Variants in BCL2L13 observed in about 807,000 individuals in gnomAD.
BCL2L13 encodes the protein BCL2 like 13.
Under a neutral mutation model 25.8 loss-of-function variants are expected in BCL2L13, and 13 were observed. That is an observed-to-expected ratio of 0.50 (90% confidence interval 0.33 to 0.80). BCL2L13 has a LOEUF of 0.80. Ranked by LOEUF, BCL2L13 falls within the 30% of genes least tolerant of loss-of-function variation. BCL2L13 has a pLI of 0.02. For missense variants in BCL2L13, 504 were observed against 574.9 expected (o/e 0.88, Z 1.26); for synonymous variants, 244 against 230.3 (o/e 1.06, Z -0.54).
At chr22:17,719,937 T>C (rs915344689) in intron 6 of BCL2L13, among the ~76,000 whole-genome samples, 6 of 152,156 alleles carry the variant, frequency 3.9e-5, no homozygotes, top group Middle Eastern at 3.4e-3. Context: ...AAGGCTATAT[T>C]GCATGACTCC....
intron 1 of BCL2L13, 112 bp downstream of exon 1, chr22:17,638,998 C>A (rs2058167909): frequency 3.4e-6 from 3 of 888,322 alleles, no homozygotes; most frequent in Non-Finnish European, 4.4e-6. Context: ...GTGGTTCCGA[C>A]GACGCGTGAG....
intron 2 of BCL2L13, among the ~76,000 whole-genome samples, chr22:17,672,514 G>T (rs1390418883): frequency 1.3e-5 from 2 of 152,124 alleles, no homozygotes; most frequent in Non-Finnish European, 2.9e-5. Flanking sequence ...TTTGTATCTT[G>T]GTTTATAGTC....
upstream of BCL2L13, among the ~76,000 whole-genome samples, chr22:17,637,942 ACT>A (rs1485099252): frequency 1.3e-5 from 2 of 151,662 alleles, no homozygotes; most frequent in Non-Finnish European, 2.9e-5. Context: ...CCAAAAAGAA[ACT>A]CTGTATCCAC....
rs77231205 is a variant in BCL2L13 at position 17,631,658 on chromosome 22, A to ATGTG, written c.-650+2663_-650+2666dup. ...GTAGGAATGGTACGTGTGTGTATGT[A>ATGTG]TGTGTGTGTGTGTATATATATATAT... is the stretch of plus-strand genomic sequence containing the variant. On this transcript the variant is annotated intron_variant, in intron 1 of 6. Coordinates refer to the BCL2L13 transcript ENST00000399782. Among the ~76,000 whole-genome samples, 107 of 38,922 alleles carry ATGTG rather than the reference A, an allele frequency of 2.7e-3. 1 individual carries two copies. Among genetic ancestry groups the ATGTG allele is most frequent in the East Asian group, 0.016 (18 of 1,110 alleles). 25.5% of individuals were successfully genotyped at this position (38,922 alleles called of 152,430 possible).
At chr22:17,704,707 A>G (rs531816131) in intron 6 of BCL2L13, among the ~76,000 whole-genome samples, 2 of 152,268 alleles carry the variant, frequency 1.3e-5, no homozygotes, top group African/African-American at 4.8e-5. Flanking sequence ...TATTTTAAAA[A>G]TTCTTAGTTG....
intron 2 of BCL2L13, among the ~76,000 whole-genome samples, chr22:17,669,971 A>G (rs1488762298): frequency 3.9e-5 from 6 of 152,210 alleles, no homozygotes; most frequent in African/African-American, 1.4e-4. Context: ...AAAATGGACT[A>G]ATACACATGG....
chr22:17,637,777 G>C (rs1209504986), upstream of BCL2L13, among the ~76,000 whole-genome samples: 2 of 152,060 alleles, frequency 1.3e-5, no homozygotes, highest in Non-Finnish European at 2.9e-5. Context: ...GGCTTAAAAA[G>C]CATCCTGTGG....
At chr22:17,717,177 T>A (rs1487884590) in intron 6 of BCL2L13, among the ~76,000 whole-genome samples, 1 of 152,052 alleles carries the variant, frequency 6.6e-6, no homozygotes, top group Non-Finnish European at 1.5e-5. Flanking sequence ...TTCTTTAAGA[T>A]CCAACTTTGG....
chr22:17,634,529 T>C (rs2058075366), upstream of BCL2L13, among the ~76,000 whole-genome samples: 1 of 151,976 alleles, frequency 6.6e-6, no homozygotes, highest in Non-Finnish European at 1.5e-5. Context: ...TGTTTCAATG[T>C]TTTTCTTTTC....
Position 17,660,718 on chromosome 22 carries a change from C to A in BCL2L13, c.121+4886C>A, listed in dbSNP as rs148061185. On this transcript the variant is annotated intron_variant, in intron 2 of 6. Transcript: ENST00000317582. ...GGGATTACAGGTGTGAGCCACCACA[C>A]CCAGTCTACACCTCATTTATTTAAT... is the stretch of plus-strand genomic sequence containing the variant. Among the ~76,000 whole-genome samples the A allele has an allele frequency of 5.0e-3, 732 of 146,528 alleles. 30 individuals are homozygous for A. Among genetic ancestry groups the A allele is most frequent in the African/African-American group, 0.017 (694 of 41,226 alleles).
intron 1 of BCL2L13, among the ~76,000 whole-genome samples, chr22:17,647,961 C>T (rs1175394805): frequency 1.3e-5 from 2 of 151,912 alleles, no homozygotes; most frequent in African/African-American, 4.8e-5. Flanking sequence ...ACCCCCGTCT[C>T]TACTAAAAAA....
intron 2 of BCL2L13, among the ~76,000 whole-genome samples, chr22:17,673,987 A>G (rs929621611): frequency 3.3e-5 from 5 of 152,166 alleles, no homozygotes; most frequent in Non-Finnish European, 7.4e-5. Context: ...ATATTTTTTT[A>G]GTCCATATTT....
intron 6 of BCL2L13, among the ~76,000 whole-genome samples, chr22:17,719,806 C>T (rs887322834): frequency 2.5e-5 from 3 of 120,906 alleles, no homozygotes; most frequent in African/African-American, 3.2e-5. Context: ...TCCAGCCTGG[C>T]GAAAGAGTGA....
chr22:17,716,528 G>A (rs910433485), intron 6 of BCL2L13, among the ~76,000 whole-genome samples: 1 of 152,124 alleles, frequency 6.6e-6, no homozygotes, highest in Non-Finnish European at 1.5e-5. Flanking sequence ...AGAGATTTGG[G>A]TGAAATGATG....
intron 1 of BCL2L13, among the ~76,000 whole-genome samples, chr22:17,651,829 T>TA (rs2058700402): frequency 6.6e-6 from 1 of 152,192 alleles, no homozygotes; most frequent in Non-Finnish European, 1.5e-5. Context: ...CAGCTGGGAC[T>TA]ACAGGCGCCT....
chr22:17,716,046 C>G (rs1170461129), intron 6 of BCL2L13, among the ~76,000 whole-genome samples: 1 of 152,148 alleles, frequency 6.6e-6, no homozygotes, highest in Non-Finnish European at 1.5e-5. Flanking sequence ...TGTTTTCTCC[C>G]TTGAAGCATT....
chr22:17,722,352 C>A (rs1209594896), intron 6 of BCL2L13, among the ~76,000 whole-genome samples: 1 of 147,666 alleles, frequency 6.8e-6, no homozygotes, highest in East Asian at 2.0e-4. Context: ...TTTCAGCCTC[C>A]TGAGTTGAGT....
intron 6 of BCL2L13, among the ~76,000 whole-genome samples, chr22:17,709,677 C>A (rs1327298325): frequency 6.6e-6 from 1 of 152,182 alleles, no homozygotes; most frequent in East Asian, 1.9e-4. Flanking sequence ...CCCAACTACT[C>A]AGGTGGCTGA....
chr22:17,682,507 T>C (rs2059785663), intron 2 of BCL2L13, among the ~76,000 whole-genome samples: 1 of 152,232 alleles, frequency 6.6e-6, no homozygotes, highest in African/African-American at 2.4e-5. Context: ...GAAATATTAA[T>C]AGCATGAATT....
Sources: gnomAD v4.1 joint callset for allele counts (sites outside exome capture counted in the v4.1 genomes callset) on GRCh38, gnomAD v4.1.1 for gene constraint, MANE v1.5 for transcripts, NCBI Gene and HGNC (gene_info 2026-07-23, HGNC 2026-07-21) for gene names.